The following SACS variants were observed in gnomAD, a reference collection of about 807,000 sequenced individuals.
The protein encoded by SACS is sacsin.
Under a neutral mutation model 348.0 loss-of-function variants are expected in SACS, and 197 were observed. The ratio of observed to expected loss-of-function variants is 0.57; its 90% confidence interval spans 0.50 to 0.64. SACS has a LOEUF of 0.64. Among genes scored for constraint, SACS ranks in the 30% least tolerant of loss-of-function variants. The pLI is 0.00. For synonymous variants in SACS, 1,985 were observed against 1,910.6 expected, an observed-to-expected ratio of 1.04 and a Z score of -1.02; for missense variants, 4,999 against 5,360.8, an observed-to-expected ratio of 0.93 and a Z score of 2.11.
intron 3 of SACS, among the ~76,000 whole-genome samples, chr13:23,372,704 C>T (rs1871471189): frequency 6.6e-6 from 1 of 152,108 alleles, no homozygotes; most frequent in Non-Finnish European, 1.5e-5. Flanking sequence ...GCAAACTGGT[C>T]ATCATACTTC....
chr13:23,422,081 G>A (rs1402274378), intron 1 of SACS, among the ~76,000 whole-genome samples: 2 of 152,158 alleles, frequency 1.3e-5, no homozygotes, highest in Non-Finnish European at 2.9e-5. Context: ...AGGTTATTAG[G>A]CCTATATATG....
chr13:23,348,060 T>C (rs1039100703), intron 9 of SACS, among the ~76,000 whole-genome samples: 1 of 152,222 alleles, frequency 6.6e-6, no homozygotes, highest in African/African-American at 2.4e-5. Flanking sequence ...ACCACTAAAC[T>C]GTTCTTGTTT....
At chr13:23,421,924 GCC>G in intron 1 of SACS, among the ~76,000 whole-genome samples, 1 of 151,936 alleles carries the variant, frequency 6.6e-6, no homozygotes, top group East Asian at 1.9e-4. Flanking sequence ...TTCAACGGGG[GCC>G]CATGTGTCAA....
rs1423208260 is a variant in SACS at position 23,336,657 on chromosome 13, T to C, written c.7219A>G (p.Ile2407Val). 4.3e-6 allele frequency: 7 copies of C among 1,613,714 alleles called. No homozygotes were observed. The Admixed American group carries it at 5.0e-5, about 12-fold the overall frequency. ...VEDFALVLESIDQERGTKQIT... is the reference protein window; with the variant it reads ...VEDFALVLESVDQERGTKQIT... ...TGCTTTGTTCCTCTTTCTTGATCAA[T>C]AGATTCCAAAACAAGAGCAAAATCT... Residue 2407 changes from isoleucine to valine, a missense_variant, in exon 10 of 10, where the codon ATT becomes GTT. Physicochemically the swap from Ile to Val is conservative, Grantham distance 29. Transcript: ENST00000382292.
chr13:23,366,937 A>C (rs1488985707), intron 5 of SACS, among the ~76,000 whole-genome samples: 1 of 152,184 alleles, frequency 6.6e-6, no homozygotes, highest in Non-Finnish European at 1.5e-5. Context: ...AAAACAGTCT[A>C]ATTCTACCAC....
intron 2 of SACS, 55 bp from the exon 3 acceptor site, chr13:23,375,324 G>A (rs896750543): frequency 1.5e-6 from 2 of 1,355,750 alleles, no homozygotes; most frequent in African/African-American, 1.5e-5. Context: ...CGCCCGCCCA[G>A]CGCCCGCGCG....
rs1874447716 is a variant in SACS, at chr13:23,431,916, G to A, written c.-502+1699C>T. 2.0e-5 allele frequency among the ~76,000 whole-genome samples: 3 copies of A among 152,250 alleles called. No individual in the cohort carries two copies. In the South Asian group the frequency reaches 6.2e-4, roughly 31 times the overall value. ...TAGCATGCTTCACCATGGTGGTTAG[G>A]TAGATGGTGGACTGAGTGAGAAAAC... On this transcript the variant is annotated intron_variant, in intron 1 of 9. Coordinates refer to ENST00000382292, the MANE Select transcript of SACS (RefSeq NM_014363.6).
Position 23,375,176 on chromosome 13 carries a change from G to T in SACS, c.114C>A (p.Ile38=). The part of the protein sequence containing the change: ...SWTVRDVKER[I]FAETGFPVSE... ...ACACCGGGAAGCCAGTCTCCGCGAA[G>T]ATACGTTCCTTCACATCGCGCACGG... The change falls in exon 3 of 10, where the codon ATC becomes ATA. Residue 38 remains isoleucine (I), a synonymous_variant. Transcript: ENST00000382292. 3.3e-6 allele frequency: 5 copies of T among 1,505,958 alleles called. No homozygotes were observed. Among genetic ancestry groups the T allele is most frequent in the Non-Finnish European group, 4.4e-6 (5 of 1,127,666 alleles). The allele number at this position is 1,505,958 out of a possible 1,614,324, so 93.3% of individuals were successfully genotyped here.
At chr13:23,416,583 C>A (rs1488254220) in intron 1 of SACS, among the ~76,000 whole-genome samples, 1 of 151,808 alleles carries the variant, frequency 6.6e-6, no homozygotes, top group Non-Finnish European at 1.5e-5. Flanking sequence ...CTTGGTGAAA[C>A]CCCGTCTCTA....
In SACS at chr13:23,330,759, C is replaced by T; in HGVS notation, c.13117G>A (p.Asp4373Asn). The T allele has an allele frequency of 6.2e-7, 1 of 1,613,770 alleles. No individual in the cohort carries two copies. The highest frequency in any genetic ancestry group is 8.5e-7 in the Non-Finnish European group (1 of 1,179,896). ...GAAAATGTTCGTCTGGAGGCCCTGTCTGCATTTTGATCTAGAAAAGCCTGT... is the reference window on the plus strand; with the variant it reads ...GAAAATGTTCGTCTGGAGGCCCTGTTTGCATTTTGATCTAGAAAAGCCTGT... The part of the protein sequence containing the change: ...EKQAFLDQNA[D>N]RASRRTFSTS... Residue 4373 changes from aspartate to asparagine, a missense_variant, in exon 10 of 10, where the codon GAC (aspartate) becomes AAC (asparagine). Transcript: ENST00000382292.
chr13:23,336,905 T>C lies in SACS; in HGVS notation c.6971A>G (p.His2324Arg). ...GATTTCATTTTGCATCAAGGCTTCA[T>C]GAAGGTATTTGTAGCAAGCATTGGT... is the stretch of plus-strand genomic sequence containing the variant. ...NITNACYKYL[H>R]EALMQNEITK... Residue 2324 changes from histidine to arginine, a missense_variant, in exon 10 of 10, where the codon CAT (histidine) becomes CGT (arginine). By Grantham distance (29) the His-to-Arg change is conservative. Coordinates refer to ENST00000382292, the MANE Select transcript of SACS (RefSeq NM_014363.6). 6.2e-7 allele frequency: 1 copy of C among 1,613,830 alleles called. No homozygotes were observed. The highest frequency in any genetic ancestry group is 8.5e-7 in the Non-Finnish European group (1 of 1,179,760).
chr13:23,336,436 A>T lies in SACS; in HGVS notation c.7440T>A (p.Thr2480=), dbSNP rs777669530. The change falls in exon 10 of 10, where the codon ACT becomes ACA. Residue 2480 remains threonine, a synonymous_variant. Coordinates refer to ENST00000382292, the MANE Select transcript of SACS (RefSeq NM_014363.6). ...DCPWIKVKDT[T]VKYCHADIPR... ...GTATGTCAGCATGACAATATTTTACAGTGGTATCCTTTACTTTTATCCAAG... is the reference window on the plus strand; with the variant it reads ...GTATGTCAGCATGACAATATTTTACTGTGGTATCCTTTACTTTTATCCAAG... 1 of 1,614,060 alleles carries T rather than the reference A, an allele frequency of 6.2e-7. No homozygotes were observed. Among genetic ancestry groups the T allele is most frequent in the Non-Finnish European group, 8.5e-7 (1 of 1,179,944 alleles).
In SACS at chr13:23,340,859, T is replaced by G; in HGVS notation, c.3017A>C (p.His1006Pro). 6.2e-7 allele frequency: 1 copy of G among 1,608,272 alleles called. No individual in the cohort carries two copies. The highest frequency in any genetic ancestry group is 8.5e-7 in the Non-Finnish European group (1 of 1,175,844). The change falls in exon 10 of 10, where the codon CAT (histidine) becomes CCT (proline). Residue 1006 changes from histidine (H) to proline (P), a missense_variant. Physicochemically the swap from His to Pro is moderately conservative, Grantham distance 77 (BLOSUM62 -2). Transcript: ENST00000382292. ...LKDIENAFYS[H>P]EEVTQLMLWV... ...TAACATAAGCTGTGTTACCTCTTCA[T>G]GTGAATAAAATGCATTTTCAATATC... is the stretch of plus-strand genomic sequence containing the variant.
chr13:23,382,789 GT>G (rs1223426679), intron 2 of SACS, among the ~76,000 whole-genome samples: 4 of 143,956 alleles, frequency 2.8e-5, no homozygotes, highest in Non-Finnish European at 3.0e-5. Flanking sequence ...TGTGGTTTTT[GT>G]TTTTTTTTTT....
intron 9 of SACS, among the ~76,000 whole-genome samples, chr13:23,353,297 G>T (rs59354093): frequency 6.6e-6 from 1 of 152,138 alleles, no homozygotes; most frequent in African/African-American, 2.4e-5. Flanking sequence ...TGCAAACCCA[G>T]CATCATAACT....
chr13:23,346,961 A>G (rs959423771), intron 9 of SACS: 1 of 209,742 alleles, frequency 4.8e-6, no homozygotes, highest in Non-Finnish European at 8.3e-6. Context: ...ATCCTTATGT[A>G]AAAGAAAACC....
In SACS at chr13:23,336,133, G is replaced by A; in HGVS notation, c.7743C>T (p.Ala2581=). The change falls in exon 10 of 10, where the codon GCC becomes GCT. Residue 2581 remains alanine (A), a synonymous_variant. Transcript: ENST00000382292. The stretch of plus-strand genomic sequence containing the variant: ...CACAAAGTGCTGGCCCTTGCAATGG[G>A]GCCCACTTATCATCAAATATTCTAT... ...PVDRIFDDKW[A]PLQGPALCVY... is the part of the protein sequence containing the mutation. 6.2e-7 allele frequency: 1 copy of A among 1,613,022 alleles called. No individual in the cohort carries two copies. Among genetic ancestry groups the A allele is most frequent in the Non-Finnish European group, 8.5e-7 (1 of 1,179,270 alleles).
At chr13:23,347,428 C>T (rs1440763846) in intron 9 of SACS, among the ~76,000 whole-genome samples, 1 of 152,042 alleles carries the variant, frequency 6.6e-6, no homozygotes, top group East Asian at 1.9e-4. Context: ...TGGACTGCTA[C>T]AGTTCTGTGA....
chr13:23,354,182 T>C (rs1469912901), intron 8 of SACS, among the ~76,000 whole-genome samples: 9 of 152,236 alleles, frequency 5.9e-5, no homozygotes, highest in Admixed American at 5.9e-4. Flanking sequence ...ATACTATTTT[T>C]CATGAATTTA....
Sources: gnomAD v4.1 joint callset for allele counts (sites outside exome capture counted in the v4.1 genomes callset) on GRCh38, gnomAD v4.1.1 for gene constraint, MANE v1.5 for transcripts, NCBI Gene and HGNC (gene_info 2026-07-23, HGNC 2026-07-21) for gene names.